Variants in PPAT observed in about 807,000 individuals in gnomAD.
PPAT encodes phosphoribosyl pyrophosphate amidotransferase.
Under a neutral mutation model 60.2 loss-of-function variants are expected in PPAT, and 20 were observed. That is an observed-to-expected ratio of 0.33 (90% CI 0.23 to 0.48). The LOEUF (loss-of-function observed/expected upper bound fraction) is 0.48, where lower values mean the gene tolerates loss of function less well. Ranked by LOEUF, PPAT falls within the 20% of genes least tolerant of loss-of-function variation. The pLI is 0.99. For synonymous variants in PPAT, 194 were observed against 215.1 expected, an observed-to-expected ratio of 0.90 and a Z score of 0.86; for missense variants, 349 against 629.6, an observed-to-expected ratio of 0.55 and a Z score of 4.77.
rs556670926 is a variant in PPAT, at chr4:56,406,947, G to A, written c.196-246C>T. Among the ~76,000 whole-genome samples the A allele has an allele frequency of 1.8e-4, 27 of 152,156 alleles. No homozygotes were observed. The South Asian group carries it at 5.4e-3, about 30-fold the overall frequency. On this transcript the variant is annotated intron_variant, in intron 2 of 10. Transcript: ENST00000264220. ...ACCATAAAATTAACCATTCTAAAAAGAACAATTTAGTGGCATTTAATACCT... is the reference window on the plus strand; with the variant it reads ...ACCATAAAATTAACCATTCTAAAAAAAACAATTTAGTGGCATTTAATACCT...
chr4:56,418,272 T>C (rs1242643102), intron 1 of PPAT, among the ~76,000 whole-genome samples: 1 of 152,192 alleles, frequency 6.6e-6, no homozygotes, highest in Non-Finnish European at 1.5e-5. Flanking sequence ...CACTACACTC[T>C]AGCTTGGTGA....
At chr4:56,411,947 A>G (rs1716483521) in intron 1 of PPAT, among the ~76,000 whole-genome samples, 1 of 152,210 alleles carries the variant, frequency 6.6e-6, no homozygotes, top group Non-Finnish European at 1.5e-5. Flanking sequence ...CATTTCTGAG[A>G]TGACACCAAA....
intron 9 of PPAT, 21 bp downstream of exon 9, chr4:56,399,158 A>G: frequency 1.0e-5 from 16 of 1,569,496 alleles, no homozygotes; most frequent in Non-Finnish European, 1.4e-5. Flanking sequence ...ATGCTTTAGG[A>G]TATGTTTTAA....
chr4:56,401,094 G>A (rs994563486), intron 7 of PPAT, among the ~76,000 whole-genome samples, 183 bp from the exon 8 acceptor site: 6 of 151,734 alleles, frequency 4.0e-5, no homozygotes, highest in African/African-American at 1.2e-4. Context: ...AAAAAAAATC[G>A]ACCTTCATAT....
At chr4:56,397,230 T>C (rs1715999938) in intron 9 of PPAT, among the ~76,000 whole-genome samples, 1 of 152,212 alleles carries the variant, frequency 6.6e-6, no homozygotes, top group African/African-American at 2.4e-5. Context: ...TGCATCATAT[T>C]TCATCACACT....
At chr4:56,435,022 G>C (rs1717820054) in intron 1 of PPAT, among the ~76,000 whole-genome samples, 1 of 152,190 alleles carries the variant, frequency 6.6e-6, no homozygotes, top group East Asian at 1.9e-4. Flanking sequence ...CAGTCGGGGA[G>C]GAGCCCTGAC....
intron 7 of PPAT, 73 bp downstream of exon 7, chr4:56,401,257 G>C: frequency 7.2e-7 from 1 of 1,383,656 alleles, no homozygotes; most frequent in South Asian, 1.4e-5. Context: ...AGCCTTTGAG[G>C]CAAGAATTGC....
In PPAT at chr4:56,402,112, G is replaced by T; in HGVS notation, c.731C>A (p.Ala244Glu). 6.3e-7 allele frequency: 1 copy of T among 1,590,376 alleles called. No individual in the cohort carries two copies. Among genetic ancestry groups the T allele is most frequent in the Non-Finnish European group, 8.6e-7 (1 of 1,162,458 alleles). ...SESCSFLSIG[A>E]RYYREVLPGE... ...TGTCAAACAAGGTAAAACTTACCTT[G>T]CACCAATAGATAAGAAGCTACAAGA... Residue 244 changes from alanine to glutamate, a missense_variant, in exon 6 of 11, where the codon GCA (alanine) becomes GAA (glutamate). Ala to Glu is a moderately radical substitution (Grantham distance 107). Transcript: ENST00000264220.
chr4:56,429,005 G>GCT (rs1717436146), intron 1 of PPAT: 1 of 963,574 alleles, frequency 1.0e-6, no homozygotes, highest in Non-Finnish European at 1.2e-6. Context: ...ACATGAAGAT[G>GCT]GTAAGAGCCA....
chr4:56,429,010 G>C (rs1257711474), intron 1 of PPAT: 47 of 959,306 alleles, frequency 4.9e-5, no homozygotes, highest in Admixed American at 6.2e-5. Flanking sequence ...AAGATGGTAA[G>C]AGCCAGAGAA....
At chr4:56,423,528 T>C (rs931271930) in intron 1 of PPAT, 7 of 152,096 alleles carry the variant, frequency 4.6e-5, no homozygotes, top group African/African-American at 1.7e-4. Flanking sequence ...GAAAAAAGAT[T>C]TCCATCTAAA....
intron 1 of PPAT, among the ~76,000 whole-genome samples, chr4:56,408,570 C>G (rs374660991): frequency 6.7e-4 from 102 of 151,338 alleles, no homozygotes; most frequent in Non-Finnish European, 9.3e-4. Flanking sequence ...CTGGCTAACA[C>G]GGTGAATCCC....
rs1715883954 is a variant in PPAT, at chr4:56,393,632, T to C, written c.*1720A>G. 6.6e-6 allele frequency: 1 copy of C among 152,654 alleles called. No individual in the cohort carries two copies. Among genetic ancestry groups the C allele is most frequent in the South Asian group, 2.1e-4 (1 of 4,834 alleles). 9.5% of individuals were successfully genotyped at this position (152,654 alleles called of 1,614,324 possible). A position where few individuals can be genotyped will look rare whatever the true frequency, so the allele number is the denominator to read the frequency against. ...TTAAGAATCTGTAGAATTACTAAAC[T>C]GTCACAGTATTATTTTCCTTTACAA... is the stretch of plus-strand genomic sequence containing the variant. On this transcript the variant is annotated 3_prime_UTR_variant, in exon 11 of 11. Coordinates refer to ENST00000264220, the MANE Select transcript of PPAT (RefSeq NM_002703.5).
chr4:56,399,533 G>A, intron 8 of PPAT, 133 bp from the exon 9 acceptor site: 2 of 735,746 alleles, frequency 2.7e-6, no homozygotes, highest in South Asian at 2.1e-5. Flanking sequence ...TGGAAAAAAG[G>A]CAAAAAGAAA....
chr4:56,403,418 A>G lies in PPAT; in HGVS notation c.403-17T>C, dbSNP rs760596519. ...ACGCAGAAGCTATATAGAAAAAAAGAGAAGTTTAATCATCAGAGGGGAAGC... is the reference window on the plus strand; with the variant it reads ...ACGCAGAAGCTATATAGAAAAAAAGGGAAGTTTAATCATCAGAGGGGAAGC... On this transcript the variant is annotated splice_polypyrimidine_tract_variant and intron_variant, in intron 3 of 10. Coordinates refer to ENST00000264220, the MANE Select transcript of PPAT (RefSeq NM_002703.5). The G allele has an allele frequency of 1.5e-5, 23 of 1,572,514 alleles. No individual in the cohort carries two copies. The Admixed American group carries it at 3.6e-4, about 25-fold the overall frequency.
intron 1 of PPAT, among the ~76,000 whole-genome samples, chr4:56,415,672 CT>C (rs1716692388): frequency 6.6e-6 from 1 of 152,160 alleles, no homozygotes; most frequent in Non-Finnish European, 1.5e-5. Flanking sequence ...ACAGCATTTT[CT>C]AATTATCTAT....
Position 56,435,507 on chromosome 4 carries a change from G to A in PPAT, c.-30C>T, listed in dbSNP as rs1717859996. Reference sequence around the variant, plus strand: ...CCGCCGAAAGCACGTGGAAGGACCTGCCGCTGCGGCCAAGGTGTAAGCACC... The same window carrying A: ...CCGCCGAAAGCACGTGGAAGGACCTACCGCTGCGGCCAAGGTGTAAGCACC... On this transcript the variant is annotated 5_prime_UTR_variant, in exon 1 of 11. Coordinates refer to ENST00000264220, the MANE Select transcript of PPAT (RefSeq NM_002703.5). 6.2e-7 allele frequency: 1 copy of A among 1,612,564 alleles called. No homozygotes were observed. Among genetic ancestry groups the A allele is most frequent in the Non-Finnish European group, 8.5e-7 (1 of 1,179,924 alleles).
At chr4:56,403,480 A>AAAAG (rs112538106) in intron 3 of PPAT, 79 bp from the exon 4 acceptor site, 681,591 of 1,013,834 alleles carry the variant, frequency 0.67, 232,562 homozygotes, top group Admixed American at 0.77. Context: ...AACCATAATG[A>AAAAG]AAATAAGGCA....
chr4:56,417,642 T>C (rs80304319), intron 1 of PPAT, among the ~76,000 whole-genome samples: 4,064 of 152,060 alleles, frequency 0.027, 200 homozygotes, highest in African/African-American at 0.092. Flanking sequence ...ATAGTCCAGG[T>C]GCAGTCAGTG....
Sources: gnomAD v4.1 joint callset for allele counts (sites outside exome capture counted in the v4.1 genomes callset) on GRCh38, gnomAD v4.1.1 for gene constraint, MANE v1.5 for transcripts, NCBI Gene and HGNC (gene_info 2026-07-23, HGNC 2026-07-21) for gene names.